Variants in GFRAL observed in about 807,000 individuals in gnomAD.
The protein encoded by GFRAL is GDNF family receptor alpha like.
A neutral mutation model predicts 45.4 loss-of-function variants in GFRAL; 36 were observed. The ratio of observed to expected loss-of-function variants is 0.79; its 90% CI spans 0.61 to 1.05. The LOEUF (loss-of-function observed/expected upper bound fraction) is 1.05. Among genes scored for constraint, GFRAL ranks in the 50% least tolerant of loss-of-function variants. GFRAL has a pLI of 0.00. For synonymous variants in GFRAL, 166 were observed against 154.1 expected (o/e 1.08, Z -0.57); for missense variants, 507 against 467.5 (o/e 1.08, Z -0.78).
intron 6 of GFRAL, among the ~76,000 whole-genome samples, chr6:55,392,779 G>T (rs1490889535): frequency 4.6e-5 from 7 of 152,010 alleles, no homozygotes; most frequent in Admixed American, 3.3e-4. Context: ...TGGATACTAG[G>T]TTTAATACCT....
At chr6:55,331,969 G>C in intron 2 of GFRAL, 120 bp downstream of exon 2, 2 of 838,428 alleles carry the variant, frequency 2.4e-6, no homozygotes, top group Non-Finnish European at 3.6e-6. Flanking sequence ...ATTTAATCTT[G>C]ACCCCCATCG....
At chr6:55,373,992 A>G (rs1020073088) in intron 6 of GFRAL, among the ~76,000 whole-genome samples, 1 of 152,158 alleles carries the variant, frequency 6.6e-6, no homozygotes, top group African/African-American at 2.4e-5. Flanking sequence ...AAGTGAGCAC[A>G]TGCAGTGTTC....
chr6:55,330,954 G>C (rs1767821347), intron 1 of GFRAL, among the ~76,000 whole-genome samples: 1 of 152,144 alleles, frequency 6.6e-6, no homozygotes, highest in Admixed American at 6.6e-5. Context: ...TCTAGTTTGA[G>C]TTCTCATGTT....
At chr6:55,364,180 G>A (rs907667552) in intron 6 of GFRAL, among the ~76,000 whole-genome samples, 4 of 150,900 alleles carry the variant, frequency 2.7e-5, no homozygotes, top group African/African-American at 9.8e-5. Flanking sequence ...GCATTTCTCT[G>A]ACGGCCAGTG....
At chr6:55,334,446 A>G (rs536768148) in intron 3 of GFRAL, among the ~76,000 whole-genome samples, 2 of 152,344 alleles carry the variant, frequency 1.3e-5, no homozygotes, top group South Asian at 4.1e-4. Flanking sequence ...ACACTGGAGT[A>G]GGGGTGATCA....
intron 2 of GFRAL, among the ~76,000 whole-genome samples, chr6:55,333,339 G>T (rs1219753323): frequency 2.0e-5 from 3 of 151,912 alleles, no homozygotes. Flanking sequence ...TATGTGCCAG[G>T]ACCACATAAT....
chr6:55,366,035 C>A (rs1470396964), intron 6 of GFRAL, among the ~76,000 whole-genome samples: 4 of 151,192 alleles, frequency 2.6e-5, no homozygotes, highest in South Asian at 2.1e-4. Context: ...CTCCTTGTAC[C>A]TCTGGTAGAA....
At chr6:55,366,377 C>G (rs1768363625) in intron 6 of GFRAL, among the ~76,000 whole-genome samples, 1 of 148,428 alleles carries the variant, frequency 6.7e-6, no homozygotes, top group Non-Finnish European at 1.5e-5. Flanking sequence ...TTTGTTGATC[C>G]TTTCAAAAAA....
intron 3 of GFRAL, among the ~76,000 whole-genome samples, chr6:55,348,135 A>T (rs1197438245): frequency 6.6e-6 from 1 of 152,018 alleles, no homozygotes; most frequent in African/African-American, 2.4e-5. Flanking sequence ...ACTCACATGT[A>T]GGTCTTATTG....
chr6:55,373,998 T>A lies in GFRAL; in HGVS notation c.952+14860T>A, dbSNP rs73436886. ...CCCACTTATAAGTGAGCACATGCAG[T>A]GTTCGGTTTTCTGCTCCTGTGTTAG... is the stretch of plus-strand genomic sequence containing the variant. On this transcript the variant is annotated intron_variant, in intron 6 of 8. Coordinates refer to ENST00000340465, the MANE Select transcript of GFRAL (RefSeq NM_207410.2). Among the ~76,000 whole-genome samples, 752 of 152,284 alleles carry A rather than the reference T, an allele frequency of 4.9e-3. 8 individuals are homozygous for A. Among genetic ancestry groups the A allele is most frequent in the African/African-American group, 0.015 (626 of 41,558 alleles).
chr6:55,342,093 A>G (rs1767974267), intron 3 of GFRAL, among the ~76,000 whole-genome samples: 1 of 152,240 alleles, frequency 6.6e-6, no homozygotes, highest in Non-Finnish European at 1.5e-5. Flanking sequence ...AAGTTGGAAA[A>G]CACTCTGCAG....
At chr6:55,369,766 A>T (rs1203476484) in intron 6 of GFRAL, among the ~76,000 whole-genome samples, 1 of 152,194 alleles carries the variant, frequency 6.6e-6, no homozygotes, top group African/African-American at 2.4e-5. Flanking sequence ...TATTTTTATT[A>T]TAAATAATAT....
intron 5 of GFRAL, among the ~76,000 whole-genome samples, chr6:55,357,904 A>G (rs574728006): frequency 6.6e-6 from 1 of 151,924 alleles, no homozygotes; most frequent in South Asian, 2.1e-4. Flanking sequence ...CAATACTTCC[A>G]AAACTTACAT....
chr6:55,343,947 A>G (rs1194775234), intron 3 of GFRAL, among the ~76,000 whole-genome samples: 1 of 152,200 alleles, frequency 6.6e-6, no homozygotes, highest in Non-Finnish European at 1.5e-5. Flanking sequence ...AGAAATGGAT[A>G]AATTCCTGGA....
intron 6 of GFRAL, among the ~76,000 whole-genome samples, chr6:55,379,574 T>TAC (rs66953657): frequency 1.7e-4 from 20 of 118,062 alleles, no homozygotes; most frequent in East Asian, 4.1e-4. Flanking sequence ...TGTTTTGAAA[T>TAC]ACACACACAC....
At chr6:55,358,122 T>C (rs1416445949) in intron 5 of GFRAL, among the ~76,000 whole-genome samples, 1 of 151,892 alleles carries the variant, frequency 6.6e-6, no homozygotes, top group Non-Finnish European at 1.5e-5. Flanking sequence ...ACTTTGGTTT[T>C]TTAACATAGC....
At chr6:55,369,984 C>T (rs1251305573) in intron 6 of GFRAL, among the ~76,000 whole-genome samples, 1 of 152,094 alleles carries the variant, frequency 6.6e-6, no homozygotes, top group Non-Finnish European at 1.5e-5. Flanking sequence ...GGGTCATAGC[C>T]TTGGGCTTGG....
At chr6:55,331,324 T>C (rs1168922889) in intron 1 of GFRAL, among the ~76,000 whole-genome samples, 3 of 152,040 alleles carry the variant, frequency 2.0e-5, no homozygotes, top group Non-Finnish European at 4.4e-5. Flanking sequence ...AAGGGAGGGC[T>C]GGCAAAGGAA....
At chr6:55,365,329 A>G (rs1484604277) in intron 6 of GFRAL, among the ~76,000 whole-genome samples, 42 of 139,946 alleles carry the variant, frequency 3.0e-4, no homozygotes, top group African/African-American at 1.0e-3. Context: ...TCAGCTTAAG[A>G]AGATTTTGGG....
Sources: allele counts gnomAD v4.1 joint callset (sites outside exome capture counted in the v4.1 genomes callset), GRCh38; gene constraint gnomAD v4.1.1; transcripts MANE v1.5; gene names NCBI Gene and HGNC (gene_info 2026-07-23, HGNC 2026-07-21).